Variants in ACADS observed in about 807,000 individuals in gnomAD.
The protein encoded by ACADS is acyl-CoA dehydrogenase short chain, also known as short-chain specific acyl-CoA dehydrogenase, mitochondrial.
In ACADS, 28 loss-of-function variants were observed where a neutral mutation model predicts 46.8. The ratio of observed to expected loss-of-function variants is 0.60; its 90% confidence interval spans 0.44 to 0.82. The LOEUF (loss-of-function observed/expected upper bound fraction) is 0.82. ACADS is among the 40% of genes least tolerant of loss of function. The probability of loss-of-function intolerance (pLI) is 0.00; values close to 1 mark genes in which losing one functional copy is unlikely to be tolerated. For synonymous variants in ACADS, 236 were observed against 237.7 expected, an observed-to-expected ratio of 0.99 and a Z score of 0.07; for missense variants, 528 against 578.0, an observed-to-expected ratio of 0.91 and a Z score of 0.89.
chr12:120,737,597 C>T (rs944758689), intron 4 of ACADS, 130 bp downstream of exon 4: 36 of 1,098,720 alleles, frequency 3.3e-5, no homozygotes, highest in African/African-American at 1.1e-4. Flanking sequence ...GTAGGGTGAG[C>T]GCTCTTGCCA....
At chr12:120,727,000 C>T (rs1342217210) in intron 1 of ACADS, 26 bp from the exon 2 acceptor site, 1 of 1,613,916 alleles carries the variant, frequency 6.2e-7, no homozygotes, top group Non-Finnish European at 8.5e-7. Flanking sequence ...CCTCCTCCTT[C>T]CACTCACTTC....
intron 2 of ACADS, among the ~76,000 whole-genome samples, chr12:120,731,262 C>A (rs1282848951): frequency 6.6e-6 from 1 of 151,968 alleles, no homozygotes; most frequent in Non-Finnish European, 1.5e-5. Flanking sequence ...ACCACACCCT[C>A]TTTTTAAAAT....
Position 120,737,998 on chromosome 12 carries a change from C to T in ACADS, c.624+10C>T. The T allele has an allele frequency of 6.2e-7, 1 of 1,613,584 alleles. No individual in the cohort carries two copies. The highest frequency in any genetic ancestry group is 8.5e-7 in the Non-Finnish European group (1 of 1,180,022). On this transcript the variant is annotated intron_variant, in intron 5 of 9. Coordinates refer to ENST00000242592, the MANE Select transcript of ACADS (RefSeq NM_000017.4). ...AGCCCTGCAAAACAAGGTGGGCCCA[C>T]CCAGAGAGGGGTTCAGCCGGATCCT...
At chr12:120,734,547 G>A (rs1376920360) in intron 2 of ACADS, among the ~76,000 whole-genome samples, 1 of 152,034 alleles carries the variant, frequency 6.6e-6, no homozygotes, top group Non-Finnish European at 1.5e-5. Flanking sequence ...TTTCACAGAG[G>A]GACACACAGG....
chr12:120,736,663 T>C (rs930520339), intron 2 of ACADS, among the ~76,000 whole-genome samples: 5 of 152,132 alleles, frequency 3.3e-5, no homozygotes, highest in Admixed American at 6.5e-5. Flanking sequence ...AAGGTCAGTG[T>C]GGCTCACGCT....
At chr12:120,730,052 G>T (rs1304356271) in intron 2 of ACADS, among the ~76,000 whole-genome samples, 2 of 151,970 alleles carry the variant, frequency 1.3e-5, no homozygotes, top group East Asian at 3.8e-4. Context: ...GTGCGATCTC[G>T]GCTCACTGTA....
At chr12:120,736,100 G>A (rs1883427342) in intron 2 of ACADS, among the ~76,000 whole-genome samples, 1 of 151,776 alleles carries the variant, frequency 6.6e-6, no homozygotes, top group Non-Finnish European at 1.5e-5. Flanking sequence ...TAGATTCTGT[G>A]GTCCACATTT....
In ACADS at chr12:120,728,838, A is replaced by G. The variant is rs1883164872; in HGVS notation, c.210+1649A>G. On this transcript the variant is annotated intron_variant, in intron 2 of 9. Coordinates refer to ENST00000242592, the MANE Select transcript of ACADS (RefSeq NM_000017.4). The surrounding 1 kb of genome is among the most constrained non-coding windows in gnomAD (Gnocchi z 4.0). ...ATGAGTTTTAAAAGGGACGTAAAAC[A>G]TTGTTTTTATATGAGGGACCCACTA... 6.6e-6 allele frequency among the ~76,000 whole-genome samples: 1 copy of G among 152,220 alleles called. No homozygotes were observed. Among genetic ancestry groups the G allele is most frequent in the Non-Finnish European group, 1.5e-5 (1 of 68,038 alleles).
chr12:120,732,687 C>T (rs1407483732), intron 2 of ACADS, among the ~76,000 whole-genome samples: 1 of 152,134 alleles, frequency 6.6e-6, no homozygotes, highest in Non-Finnish European at 1.5e-5. Flanking sequence ...AGACGCTCCT[C>T]ACTTCCTAGA....
At chr12:120,729,258 C>CTTTTTTTTTTTTT (rs137894149) in intron 2 of ACADS, among the ~76,000 whole-genome samples, 3 of 123,102 alleles carry the variant, frequency 2.4e-5, no homozygotes, top group Non-Finnish European at 4.9e-5. Flanking sequence ...TTTCTTTTTT[C>CTTTTTTTTTTTTT]TTTTTTTTTT....
chr12:120,734,971 C>T (rs933193974), intron 2 of ACADS, among the ~76,000 whole-genome samples: 6 of 151,170 alleles, frequency 4.0e-5, no homozygotes, highest in East Asian at 2.0e-4. Flanking sequence ...AGGCTGGTCT[C>T]GAACTCCTGG....
At chr12:120,726,138 C>A (rs1883076778) in intron 1 of ACADS, among the ~76,000 whole-genome samples, 1 of 151,294 alleles carries the variant, frequency 6.6e-6, no homozygotes, top group South Asian at 2.2e-4. Context: ...GACCCCTACC[C>A]CCCGATTGAC....
intron 2 of ACADS, among the ~76,000 whole-genome samples, chr12:120,735,880 C>T (rs1404265903): frequency 6.8e-6 from 1 of 147,436 alleles, no homozygotes; most frequent in Non-Finnish European, 1.5e-5. Flanking sequence ...GCCTGGGCAA[C>T]AGAACAATAC....
chr12:120,726,039 C>T, intron 1 of ACADS, 108 bp downstream of exon 1: 1 of 1,195,026 alleles, frequency 8.4e-7, no homozygotes, highest in Non-Finnish European at 1.1e-6. Flanking sequence ...CGGAGCCCCA[C>T]TCCGGGAGCG....
chr12:120,737,131 A>G lies in ACADS; in HGVS notation c.356A>G (p.Asn119Ser). The G allele has an allele frequency of 6.3e-7, 1 of 1,582,596 alleles. No individual in the cohort carries two copies. Among genetic ancestry groups the G allele is most frequent in the South Asian group, 1.1e-5 (1 of 87,070 alleles). Reference protein sequence around the residue: ...CASTGVIMSVNNSLYLGPILK... With the variant: ...CASTGVIMSVSNSLYLGPILK... ...TCCACCGGAGTCATCATGAGTGTCA[A>G]CAACGTGAGCCCCCTCCCAGGCCCC... Residue 119 changes from asparagine (N) to serine (S), a missense_variant, in exon 3 of 10, where the codon AAC becomes AGC. Physicochemically the swap from Asn to Ser is conservative, Grantham distance 46. Coordinates refer to ENST00000242592, the MANE Select transcript of ACADS (RefSeq NM_000017.4).
rs746108433 is a variant in ACADS, at chr12:120,738,160, G to T, written c.625-120G>T. 2.5e-6 allele frequency: 4 copies of T among 1,577,408 alleles called. No individual in the cohort carries two copies. The African/African-American group carries it at 4.1e-5, about 16-fold the overall frequency. On this transcript the variant is annotated intron_variant, in intron 5 of 9. Coordinates refer to ENST00000242592, the MANE Select transcript of ACADS (RefSeq NM_000017.4). ...TGCACCTTCCCCAGAAGCCGGCAGA[G>T]GGTGTCAAGGCCTGAGCTTCTGAGG... is the stretch of plus-strand genomic sequence containing the variant.
intron 2 of ACADS, among the ~76,000 whole-genome samples, chr12:120,734,460 T>C (rs1705384643): frequency 6.6e-6 from 1 of 152,186 alleles, no homozygotes; most frequent in Non-Finnish European, 1.5e-5. Context: ...GACTCGGAGA[T>C]GACGCTCCGC....
chr12:120,736,916 G>T (rs1158079403), intron 2 of ACADS, 70 bp from the exon 3 acceptor site: 4 of 1,505,280 alleles, frequency 2.7e-6, no homozygotes, highest in Admixed American at 4.0e-5. Flanking sequence ...GGGCAGGAGG[G>T]TTTGGGCTTG....
rs985348463 is a variant in ACADS, at chr12:120,737,948, C to T, written c.584C>T (p.Ala195Val). 6.2e-7 allele frequency: 1 copy of T among 1,613,984 alleles called. No homozygotes were observed. Among genetic ancestry groups the T allele is most frequent in the Non-Finnish European group, 8.5e-7 (1 of 1,180,034 alleles). The part of the protein sequence containing the change: ...WITNAWEASA[A>V]VVFASTDRAL... The stretch of plus-strand genomic sequence containing the variant: ...ACCAATGCCTGGGAGGCTTCGGCTG[C>T]CGTGGTCTTTGCCAGCACGGACAGA... The change falls in exon 5 of 10, where the codon GCC becomes GTC. Residue 195 changes from alanine (A) to valine (V), a missense_variant. Transcript: ENST00000242592.
Sources: allele counts gnomAD v4.1 joint callset (sites outside exome capture counted in the v4.1 genomes callset), GRCh38; gene constraint gnomAD v4.1.1; non-coding constraint Gnocchi (gnomAD v3.1); transcripts MANE v1.5; gene names NCBI Gene and HGNC (gene_info 2026-07-23, HGNC 2026-07-21).